Variants in CSMD1 observed in about 807,000 individuals in gnomAD.
CSMD1 encodes CUB and sushi domain-containing protein 1.
A neutral mutation model predicts 417.5 loss-of-function variants in CSMD1; 213 were observed. The observed-to-expected ratio is 0.51, with a 90% CI of 0.46 to 0.57. The LOEUF (loss-of-function observed/expected upper bound fraction) is 0.57. CSMD1 is among the 20% of genes least tolerant of loss of function. CSMD1 has a pLI of 0.00. For missense variants in CSMD1, 6,923 were observed against 4,529.7 expected (o/e 1.53, Z -15.17); for synonymous variants, 2,862 against 1,736.8 (o/e 1.65, Z -16.11).
At chr8:4,313,777 A>T (rs148078536) in intron 3 of CSMD1, among the ~76,000 whole-genome samples, 4,126 of 152,134 alleles carry the variant, frequency 0.027, 195 homozygotes, top group African/African-American at 0.094. Flanking sequence ...GCGTTTTGGG[A>T]GGCCAAGGCA....
At chr8:4,891,809 A>G (rs1804142433) in intron 1 of CSMD1, among the ~76,000 whole-genome samples, 1 of 152,154 alleles carries the variant, frequency 6.6e-6, no homozygotes, top group Non-Finnish European at 1.5e-5. Context: ...GTCTAACTTA[A>G]TTAAATGCAT....
chr8:4,392,170 G>T (rs1174382725), intron 3 of CSMD1, among the ~76,000 whole-genome samples: 1 of 152,176 alleles, frequency 6.6e-6, no homozygotes, highest in Non-Finnish European at 1.5e-5. Context: ...GGGCATTTTT[G>T]TTTCAACGTG....
At chr8:4,465,387 T>A (rs1800103227) in intron 2 of CSMD1, among the ~76,000 whole-genome samples, 1 of 152,154 alleles carries the variant, frequency 6.6e-6, no homozygotes, top group Non-Finnish European at 1.5e-5. Context: ...AAAACATGGT[T>A]TGAAAGTCTA....
rs138605092 is a variant in CSMD1, at chr8:3,984,596, G to T, written c.818+13307C>A. On this transcript the variant is annotated intron_variant, in intron 5 of 69. Coordinates refer to ENST00000635120, the MANE Select transcript of CSMD1 (RefSeq NM_033225.6). ...CAAGTACAATATTTGGATTCTTCAA[G>T]TAAGAAAAAATACAGCTAGGGGTTT... Among the ~76,000 whole-genome samples the T allele has an allele frequency of 3.5e-3, 522 of 150,744 alleles. 3 individuals carry two copies. Among genetic ancestry groups the T allele is most frequent in the African/African-American group, 0.011 (467 of 41,104 alleles).
intron 3 of CSMD1, among the ~76,000 whole-genome samples, chr8:4,071,109 T>C (rs901279781): frequency 6.6e-6 from 1 of 152,116 alleles, no homozygotes; most frequent in African/African-American, 2.4e-5. Flanking sequence ...ACAGAGACTC[T>C]TGAGTCTTTT....
At chr8:3,910,577 G>A (rs1584950173) in intron 5 of CSMD1, among the ~76,000 whole-genome samples, 1 of 152,178 alleles carries the variant, frequency 6.6e-6, no homozygotes, top group African/African-American at 2.4e-5. Context: ...TATTATGAAT[G>A]CATTATTTTT....
intron 20 of CSMD1, among the ~76,000 whole-genome samples, chr8:3,362,510 C>G (rs1313151641): frequency 6.6e-6 from 1 of 152,182 alleles, no homozygotes; most frequent in African/African-American, 2.4e-5. Context: ...ACTCACTGGA[C>G]CCAACTTCTC....
At chr8:4,919,817 C>T (rs916297007) in intron 1 of CSMD1, among the ~76,000 whole-genome samples, 1 of 152,022 alleles carries the variant, frequency 6.6e-6, no homozygotes, top group African/African-American at 2.4e-5. Context: ...AGGGCATGAC[C>T]CAGAGTTCAT....
chr8:3,552,526 T>C (rs963253931), intron 10 of CSMD1, among the ~76,000 whole-genome samples: 3 of 152,186 alleles, frequency 2.0e-5, no homozygotes, highest in South Asian at 2.1e-4. Flanking sequence ...ACTCAAAAGT[T>C]TTTTTGAATT....
At chr8:4,242,537 T>A (rs938425367) in intron 3 of CSMD1, among the ~76,000 whole-genome samples, 2 of 152,228 alleles carry the variant, frequency 1.3e-5, no homozygotes, top group Non-Finnish European at 2.9e-5. Flanking sequence ...TCTTAACTAG[T>A]CTTTCCCCTT....
chr8:3,605,806 C>A (rs534526491), intron 8 of CSMD1, among the ~76,000 whole-genome samples: 2 of 152,268 alleles, frequency 1.3e-5, no homozygotes, highest in Admixed American at 6.5e-5. Flanking sequence ...CCCCAAATTC[C>A]CTTTAGAGCC....
chr8:4,983,119 C>A (rs1302382453), intron 1 of CSMD1, among the ~76,000 whole-genome samples: 1 of 152,138 alleles, frequency 6.6e-6, no homozygotes, highest in Non-Finnish European at 1.5e-5. Context: ...AGTCAAGAAA[C>A]AGAAACACAA....
chr8:4,008,540 A>AAAT (rs1816304460), intron 4 of CSMD1, among the ~76,000 whole-genome samples: 1 of 150,654 alleles, frequency 6.6e-6, no homozygotes, highest in Admixed American at 6.6e-5. Context: ...AGTTACAGAT[A>AAAT]AATACTTGAT....
chr8:3,081,515 A>C (rs2129003286), intron 49 of CSMD1, among the ~76,000 whole-genome samples: 1 of 152,334 alleles, frequency 6.6e-6, no homozygotes, highest in African/African-American at 2.4e-5. Flanking sequence ...ATAATTAAAT[A>C]ACTATGATGA....
intron 3 of CSMD1, among the ~76,000 whole-genome samples, chr8:4,391,738 G>GAA (rs1803862398): frequency 6.6e-6 from 1 of 152,150 alleles, no homozygotes; most frequent in African/African-American, 2.4e-5. Flanking sequence ...CAATGTGCCT[G>GAA]AAGCCTTCCC....
intron 39 of CSMD1, among the ~76,000 whole-genome samples, chr8:3,151,724 C>A (rs1001551219): frequency 6.6e-6 from 1 of 152,164 alleles, no homozygotes; most frequent in African/African-American, 2.4e-5. Flanking sequence ...GAATAAAGAC[C>A]ATTTTTCAAG....
At chr8:4,028,677 C>G (rs1167802862) in intron 4 of CSMD1, among the ~76,000 whole-genome samples, 1 of 152,162 alleles carries the variant, frequency 6.6e-6, no homozygotes, top group Non-Finnish European at 1.5e-5. Flanking sequence ...TTTACTATCT[C>G]TGGAACCTTT....
At chr8:3,465,326 A>G (rs1025253446) in intron 12 of CSMD1, among the ~76,000 whole-genome samples, 1 of 152,086 alleles carries the variant, frequency 6.6e-6, no homozygotes, top group Non-Finnish European at 1.5e-5. Context: ...TCTTGAGGGG[A>G]TGGAGGAGAG....
chr8:3,500,798 A>G (rs1287269219), intron 10 of CSMD1, among the ~76,000 whole-genome samples: 1 of 152,208 alleles, frequency 6.6e-6, no homozygotes, highest in African/African-American at 2.4e-5. Flanking sequence ...GCATGGAAGA[A>G]GCGCTAAAGT....
Sources: allele counts gnomAD v4.1 joint callset (sites outside exome capture counted in the v4.1 genomes callset), GRCh38; gene constraint gnomAD v4.1.1; transcripts MANE v1.5; gene names NCBI Gene and HGNC (gene_info 2026-07-23, HGNC 2026-07-21).